The following ANKS1B variants were observed in gnomAD, a reference collection of about 807,000 sequenced individuals.
ANKS1B encodes the protein ankyrin repeat and sterile alpha motif domain containing 1B, also known as ankyrin repeat and sterile alpha motif domain-containing protein 1B.
Under a neutral mutation model 148.3 loss-of-function variants are expected in ANKS1B, and 36 were observed. That is an observed-to-expected ratio of 0.24 (90% CI 0.19 to 0.32). ANKS1B has a LOEUF of 0.32. Ranked by LOEUF, ANKS1B falls within the 10% of genes least tolerant of loss-of-function variation. The pLI, the probability that ANKS1B is intolerant of heterozygous loss-of-function variation, is 1.00. For missense variants in ANKS1B, 1,157 were observed against 1,542.6 expected (o/e 0.75, Z 4.19); for synonymous variants, 542 against 560.8 (o/e 0.97, Z 0.47).
chr12:99,433,628 A>G (rs926167567), intron 11 of ANKS1B, among the ~76,000 whole-genome samples: 1 of 152,180 alleles, frequency 6.6e-6, no homozygotes, highest in African/African-American at 2.4e-5. Context: ...TGCAAACTGC[A>G]GTGCTATATA....
chr12:99,943,705 C>T (rs1207887666), intron 1 of ANKS1B, among the ~76,000 whole-genome samples: 3 of 152,042 alleles, frequency 2.0e-5, no homozygotes, highest in South Asian at 4.1e-4. Flanking sequence ...AGGTCCCTGC[C>T]ACAACATGCG....
At chr12:99,641,575 T>C (rs756116015) in intron 9 of ANKS1B, among the ~76,000 whole-genome samples, 8 of 152,086 alleles carry the variant, frequency 5.3e-5, no homozygotes, top group Non-Finnish European at 1.0e-4. Context: ...GAAGAGGAAA[T>C]GGGAAGAGAT....
chr12:98,908,286 A>G (rs1181165506), intron 17 of ANKS1B, among the ~76,000 whole-genome samples: 1 of 152,246 alleles, frequency 6.6e-6, no homozygotes, highest in African/African-American at 2.4e-5. Flanking sequence ...CATTTATTGT[A>G]ATATCCATGC....
chr12:99,905,315 G>A (rs866725258), intron 1 of ANKS1B, among the ~76,000 whole-genome samples: 1 of 152,158 alleles, frequency 6.6e-6, no homozygotes, highest in African/African-American at 2.4e-5. Context: ...GACCATGGAA[G>A]GGAGTGGAAG....
intron 17 of ANKS1B, among the ~76,000 whole-genome samples, chr12:98,905,562 G>C (rs996720930): frequency 6.6e-6 from 1 of 152,102 alleles, no homozygotes. Flanking sequence ...TTGAGTTCAG[G>C]AGTTTGAGAC....
At chr12:98,752,816 CTG>C (rs1043322928) in intron 25 of ANKS1B, among the ~76,000 whole-genome samples, 1 of 152,018 alleles carries the variant, frequency 6.6e-6, no homozygotes, top group African/African-American at 2.4e-5. Context: ...TCAACCTTGC[CTG>C]TGAGGATGAT....
chr12:99,382,697 T>TA (rs398044709), intron 12 of ANKS1B, among the ~76,000 whole-genome samples: 20 of 82,216 alleles, frequency 2.4e-4, no homozygotes, highest in African/African-American at 3.3e-4. Flanking sequence ...GACTCTGTAT[T>TA]AAAAAAAAAA....
chr12:99,707,516 T>C (rs531330094), intron 8 of ANKS1B, among the ~76,000 whole-genome samples: 2 of 152,002 alleles, frequency 1.3e-5, no homozygotes, highest in African/African-American at 2.4e-5. Context: ...AAAATCAAGT[T>C]TTTCACCCTC....
At chr12:98,909,033 T>C (rs901538092) in intron 17 of ANKS1B, among the ~76,000 whole-genome samples, 1 of 152,196 alleles carries the variant, frequency 6.6e-6, no homozygotes, top group Admixed American at 6.5e-5. Flanking sequence ...ACATCCACGT[T>C]GGCACAAGTG....
intron 14 of ANKS1B, among the ~76,000 whole-genome samples, chr12:99,174,105 C>A (rs1302203636): frequency 6.6e-6 from 1 of 152,216 alleles, no homozygotes; most frequent in Non-Finnish European, 1.5e-5. Context: ...AGGAGATCCT[C>A]TTCCTTGATG....
chr12:99,585,521 A>G (rs187433892), intron 9 of ANKS1B, among the ~76,000 whole-genome samples: 1 of 152,204 alleles, frequency 6.6e-6, no homozygotes, highest in African/African-American at 2.4e-5. Context: ...CCCTCTTCTT[A>G]CAGCTCCACT....
chr12:99,053,832 A>G (rs982833940), intron 16 of ANKS1B, among the ~76,000 whole-genome samples: 2 of 152,224 alleles, frequency 1.3e-5, no homozygotes, highest in Non-Finnish European at 2.9e-5. Flanking sequence ...GTGAACCAGT[A>G]AAGGAGAGGC....
At chr12:99,760,171 T>C (rs183785319) in intron 8 of ANKS1B, among the ~76,000 whole-genome samples, 6 of 151,850 alleles carry the variant, frequency 4.0e-5, no homozygotes. Context: ...GTGAAGTCCA[T>C]AAAAATGTGC....
At chr12:99,311,383 A>T (rs190174327) in intron 12 of ANKS1B, among the ~76,000 whole-genome samples, 1 of 152,294 alleles carries the variant, frequency 6.6e-6, no homozygotes, top group East Asian at 1.9e-4. Flanking sequence ...GTTTAAATGG[A>T]ACGCTGGATG....
intron 10 of ANKS1B, among the ~76,000 whole-genome samples, chr12:99,496,895 G>A (rs1361348548): frequency 1.3e-5 from 2 of 152,130 alleles, no homozygotes; most frequent in African/African-American, 4.8e-5. Flanking sequence ...CTCAGCCCCT[G>A]AGAAATGAAA....
chr12:99,487,019 C>A (rs1299541422), intron 10 of ANKS1B, among the ~76,000 whole-genome samples: 5 of 152,152 alleles, frequency 3.3e-5, no homozygotes. Flanking sequence ...TTCTCCAAGG[C>A]CTATCAAATG....
intron 12 of ANKS1B, among the ~76,000 whole-genome samples, chr12:99,333,783 T>A (rs139151558): frequency 2.0e-5 from 3 of 151,594 alleles, no homozygotes; most frequent in Non-Finnish European, 2.9e-5. Context: ...AGTCCCACAT[T>A]TTTTTCACTT....
At chr12:99,775,455 A>G (rs2063567158) in intron 7 of ANKS1B, 93 bp downstream of exon 7, 1 of 664,110 alleles carries the variant, frequency 1.5e-6, no homozygotes, top group South Asian at 2.9e-5. Flanking sequence ...GATGAAATAT[A>G]GAGTATAGGA....
chr12:99,852,779 C>A (rs1054823849), intron 1 of ANKS1B, among the ~76,000 whole-genome samples: 1 of 152,238 alleles, frequency 6.6e-6, no homozygotes, highest in African/African-American at 2.4e-5. Context: ...AACTGTAAGT[C>A]TACTCGCTTT....
Sources: allele counts gnomAD v4.1 joint callset (sites outside exome capture counted in the v4.1 genomes callset), GRCh38; gene constraint gnomAD v4.1.1; transcripts MANE v1.5; gene names NCBI Gene and HGNC (gene_info 2026-07-23, HGNC 2026-07-21).